PRIM2: variants seen among roughly 807,000 people sequenced by gnomAD.
PRIM2 encodes DNA primase subunit 2, also known as DNA primase large subunit.
In PRIM2, 39 loss-of-function variants were observed where a neutral mutation model predicts 67.3. That is an observed-to-expected ratio of 0.58 (90% CI 0.45 to 0.76). PRIM2 has a LOEUF of 0.76. Among genes scored for constraint, PRIM2 ranks in the 30% least tolerant of loss-of-function variants. The pLI is 0.00. For missense variants in PRIM2, 398 were observed against 598.7 expected (o/e 0.66, Z 3.50); for synonymous variants, 143 against 198.7 (o/e 0.72, Z 2.36).
At chr6:57,537,292 T>C (rs1163219521) in intron 9 of PRIM2, 148 bp from the exon 10 acceptor site, 79 of 424,126 alleles carry the variant, frequency 1.9e-4, no homozygotes, top group African/African-American at 1.3e-3. Flanking sequence ...CAGATAAGAG[T>C]CATCTGTAAC....
intron 10 of PRIM2, among the ~76,000 whole-genome samples, chr6:57,587,342 G>A (rs1434766207): frequency 1.3e-5 from 2 of 152,106 alleles, no homozygotes; most frequent in Non-Finnish European, 2.9e-5. Flanking sequence ...GCAAAGTAGT[G>A]AGATTCTTTA....
At position 57,410,042 on chromosome 6, in the gene PRIM2, G is replaced by A. The variant is rs115358076; in HGVS notation, c.693+27874G>A. On this transcript the variant is annotated intron_variant, in intron 7 of 13. Coordinates refer to ENST00000615550, the MANE Select transcript of PRIM2 (RefSeq NM_000947.5). ...CACTATTAGTAGAAAAGACTGGGCCGGGCCAGTGGCTCACGCCTGTAATCC... is the reference window on the plus strand; with the variant it reads ...CACTATTAGTAGAAAAGACTGGGCCAGGCCAGTGGCTCACGCCTGTAATCC... Among the ~76,000 whole-genome samples, 14 of 152,126 alleles carry A rather than the reference G, an allele frequency of 9.2e-5. No homozygotes were observed. The East Asian group carries it at 1.5e-3, about 17-fold the overall frequency.
intron 12 of PRIM2, among the ~76,000 whole-genome samples, chr6:57,624,346 T>C (rs1776908842): frequency 6.6e-6 from 1 of 152,204 alleles, no homozygotes; most frequent in Admixed American, 6.5e-5. Context: ...TAATCCAAAA[T>C]GTTGGTATTA....
At chr6:57,331,791 T>G (rs1208722209) in intron 5 of PRIM2, among the ~76,000 whole-genome samples, 8 of 148,344 alleles carry the variant, frequency 5.4e-5, no homozygotes, top group Non-Finnish European at 8.8e-5. Flanking sequence ...AGTCTTCTCT[T>G]TTTTTTTGTC....
chr6:57,555,322 C>T (rs1214907601), intron 10 of PRIM2, among the ~76,000 whole-genome samples: 7 of 152,032 alleles, frequency 4.6e-5, no homozygotes, highest in Admixed American at 3.9e-4. Context: ...CTCTGTCATC[C>T]AGGCGGGAGC....
chr6:57,330,249 T>A (rs1380524429), intron 5 of PRIM2, among the ~76,000 whole-genome samples: 2 of 152,100 alleles, frequency 1.3e-5, no homozygotes, highest in African/African-American at 4.8e-5. Flanking sequence ...TAAGTGGAGT[T>A]GTTTTCTTCA....
chr6:57,619,245 C>G (rs1244648192), intron 12 of PRIM2, among the ~76,000 whole-genome samples: 1 of 152,136 alleles, frequency 6.6e-6, no homozygotes, highest in East Asian at 1.9e-4. Flanking sequence ...AGGGAACACC[C>G]TGTGCACTAG....
intron 7 of PRIM2, chr6:57,383,291 T>A (rs1387544731): frequency 1.3e-5 from 2 of 152,034 alleles, no homozygotes; most frequent in Non-Finnish European, 2.9e-5. Flanking sequence ...ATTCTCTCTG[T>A]TGACATTTTA....
chr6:57,306,357 T>C, the PRIM2 span, among the ~76,000 whole-genome samples: 2 of 152,104 alleles, frequency 1.3e-5, no homozygotes, highest in African/African-American at 4.8e-5. Context: ...GTTGTGAAGC[T>C]CCAGGTAGGA....
chr6:57,303,874 G>A, the PRIM2 span, among the ~76,000 whole-genome samples: 2 of 152,098 alleles, frequency 1.3e-5, no homozygotes, highest in Non-Finnish European at 2.9e-5. Context: ...ACCTCAAGTG[G>A]TCTGCCTGCC....
Position 57,537,469 on chromosome 6 carries a change from G to C in PRIM2, c.864G>C (p.Met288Ile). Reference protein sequence around the residue: ...LLSTKSFPPCMRQLHKALREN... With the variant: ...LLSTKSFPPCIRQLHKALREN... Reference sequence around the variant, plus strand: ...CTACCAAATCCTTCCCACCTTGCATGCGTCAGTTACATAAAGCCTTGCGGG... The same window carrying C: ...CTACCAAATCCTTCCCACCTTGCATCCGTCAGTTACATAAAGCCTTGCGGG... The change falls in exon 10 of 14, where the codon ATG becomes ATC. Residue 288 changes from methionine to isoleucine, a missense_variant. Physicochemically the swap from Met to Ile is conservative, Grantham distance 10. Transcript: ENST00000615550. 2.1e-6 allele frequency: 3 copies of C among 1,457,718 alleles called. No homozygotes were observed. The highest frequency in any genetic ancestry group is 2.8e-6 in the Non-Finnish European group (3 of 1,059,732). The allele number at this position is 1,457,718 out of a possible 1,614,324, so 90.3% of individuals were successfully genotyped here.
intron 7 of PRIM2, among the ~76,000 whole-genome samples, chr6:57,470,799 T>C (rs1365535190): frequency 1.3e-4 from 20 of 152,158 alleles, no homozygotes; most frequent in African/African-American, 4.6e-4. Flanking sequence ...GTTCAAATAG[T>C]GCCTGAATTC....
intron 5 of PRIM2, among the ~76,000 whole-genome samples, chr6:57,337,956 G>A (rs9475854): frequency 0.13 from 19,091 of 150,546 alleles, 1,353 homozygotes; most frequent in African/African-American, 0.18. Flanking sequence ...TTGATAGACC[G>A]CTAGCAAGAC....
At chr6:57,358,067 A>G (rs533804723) in intron 5 of PRIM2, among the ~76,000 whole-genome samples, 1 of 152,350 alleles carries the variant, frequency 6.6e-6, no homozygotes, top group African/African-American at 2.4e-5. Flanking sequence ...TAAATGAAGT[A>G]GCTACCTACA....
At chr6:57,426,662 G>A (rs372322002) in intron 7 of PRIM2, among the ~76,000 whole-genome samples, 10 of 152,328 alleles carry the variant, frequency 6.6e-5, no homozygotes, top group South Asian at 2.1e-4. Flanking sequence ...TTGCATTGCC[G>A]TTGAGGGGTG....
intron 10 of PRIM2, among the ~76,000 whole-genome samples, chr6:57,556,630 T>A (rs2127476739): frequency 6.6e-6 from 1 of 152,222 alleles, no homozygotes; most frequent in South Asian, 2.1e-4. Context: ...TATAAAAAAA[T>A]CAACTCAAGA....
At position 57,537,425 on chromosome 6, in the gene PRIM2, A is replaced by AT; in HGVS notation, c.835-8dup. 4.5e-6 allele frequency: 6 copies of AT among 1,320,152 alleles called. No homozygotes were observed. The highest frequency in any genetic ancestry group is 4.2e-6 in the Non-Finnish European group (4 of 956,780). The allele number at this position is 1,320,152 out of a possible 1,614,324, so 81.8% of individuals were successfully genotyped here. ...CTTCCACTTAACTTAAAACTCTACT[A>AT]TTTTTTTCTTGTAGCTTTCTACCAA... On this transcript the variant is annotated splice_polypyrimidine_tract_variant and intron_variant, in intron 9 of 13. Transcript: ENST00000615550.
chr6:57,454,101 G>C lies in PRIM2; in HGVS notation c.694-53286G>C, dbSNP rs190075978. Among the ~76,000 whole-genome samples the C allele has an allele frequency of 1.1e-3, 167 of 152,204 alleles. 2 individuals are homozygous for C. Among genetic ancestry groups the C allele is most frequent in the Middle Eastern group, 3.4e-3 (1 of 294 alleles). ...TGTTGGATTACGTTTATTGATTTTC[G>C]TGTGTTGAACCAGCCTTGCATCCCA... is the stretch of plus-strand genomic sequence containing the variant. On this transcript the variant is annotated intron_variant, in intron 7 of 13. Coordinates refer to ENST00000615550, the MANE Select transcript of PRIM2 (RefSeq NM_000947.5).
chr6:57,397,965 T>C (rs368431713), intron 7 of PRIM2, among the ~76,000 whole-genome samples: 1 of 148,756 alleles, frequency 6.7e-6, no homozygotes. Context: ...CTTTCTTTCT[T>C]TCTTTTTTTT....
Sources: allele counts gnomAD v4.1 joint callset (sites outside exome capture counted in the v4.1 genomes callset), GRCh38; gene constraint gnomAD v4.1.1; transcripts MANE v1.5; gene names NCBI Gene and HGNC (gene_info 2026-07-23, HGNC 2026-07-21).